The following IYD variants were observed in gnomAD, a reference collection of about 807,000 sequenced individuals.
The protein encoded by IYD is iodotyrosine deiodinase, also known as iodotyrosine deiodinase 1.
Under a neutral mutation model 28.4 loss-of-function variants are expected in IYD, and 25 were observed. That is an observed-to-expected ratio of 0.88 (90% CI 0.64 to 1.23). The LOEUF (loss-of-function observed/expected upper bound fraction) is 1.23. IYD is among the 50% of genes most tolerant of loss of function. The probability of loss-of-function intolerance (pLI) is 0.00; values close to 1 mark genes in which losing one functional copy is unlikely to be tolerated. For synonymous variants in IYD, 140 were observed against 130.8 expected, an observed-to-expected ratio of 1.07 and a Z score of -0.48; for missense variants, 352 against 357.9, an observed-to-expected ratio of 0.98 and a Z score of 0.13.
In IYD at chr6:150,405,287, T is replaced by G. The variant is rs1309294735; in HGVS notation, c.*7050T>G. On this transcript the variant is annotated 3_prime_UTR_variant, in exon 5 of 5. Coordinates refer to ENST00000344419, the MANE Select transcript of IYD (RefSeq NM_203395.3). ...CGCCAAACTCTTACTCCCAGCTGCT[T>G]TCTCTGTCCCTCCACTTAGATGTTA... The G allele has an allele frequency of 6.6e-6, 1 of 152,222 alleles. No homozygotes were observed. Among genetic ancestry groups the G allele is most frequent in the Non-Finnish European group, 1.5e-5 (1 of 68,072 alleles). The allele number at this position is 152,222 out of a possible 1,614,324, so 9.4% of individuals were successfully genotyped here.
At chr6:150,383,528 G>C (rs547318941) in intron 1 of IYD, among the ~76,000 whole-genome samples, 1 of 152,258 alleles carries the variant, frequency 6.6e-6, no homozygotes, top group Middle Eastern at 3.4e-3. Context: ...AAGGATTTCA[G>C]TTGTTTTGGT....
Position 150,399,634 on chromosome 6 carries a change from A to G in IYD, c.*1397A>G, listed in dbSNP as rs1473737957. 10 of 152,132 alleles carry G rather than the reference A, an allele frequency of 6.6e-5. No individual in the cohort carries two copies. Among genetic ancestry groups the G allele is most frequent in the African/African-American group, 1.9e-4 (8 of 41,380 alleles). The allele number at this position is 152,132 out of a possible 1,614,324, so 9.4% of individuals were successfully genotyped here. A position where few individuals can be genotyped will look rare whatever the true frequency, so the allele number is the denominator to read the frequency against. On this transcript the variant is annotated 3_prime_UTR_variant, in exon 5 of 5. Coordinates refer to ENST00000344419, the MANE Select transcript of IYD (RefSeq NM_203395.3). ...CTTGAGAAAACTCTCTCTATAAAAA[A>G]TTTCCATAGAGTATGTGGCTGATAA... is the stretch of plus-strand genomic sequence containing the variant.
At chr6:150,389,652 T>C (rs1778036830) in intron 2 of IYD, 109 bp downstream of exon 2, 5 of 980,100 alleles carry the variant, frequency 5.1e-6, no homozygotes, top group Non-Finnish European at 8.1e-6. Context: ...CCTAGAGTGA[T>C]ATGTTTATCT....
chr6:150,382,382 C>T (rs954867990), intron 1 of IYD, among the ~76,000 whole-genome samples: 7 of 152,156 alleles, frequency 4.6e-5, no homozygotes, highest in Non-Finnish European at 5.9e-5. Context: ...ATTCCACACA[C>T]GACTCAGTCT....
At chr6:150,380,879 C>T (rs1202511063) in intron 1 of IYD, among the ~76,000 whole-genome samples, 1 of 152,170 alleles carries the variant, frequency 6.6e-6, no homozygotes, top group Admixed American at 6.5e-5. Flanking sequence ...CTCCCCTCCC[C>T]AAACTCTGTT....
intron 1 of IYD, among the ~76,000 whole-genome samples, chr6:150,383,430 C>T (rs954557324): frequency 3.9e-5 from 6 of 152,150 alleles, no homozygotes; most frequent in African/African-American, 1.4e-4. Context: ...GTGGTACTAA[C>T]CTTCAGCTAG....
intron 4 of IYD, chr6:150,396,938 C>T (rs559718570): frequency 6.6e-6 from 1 of 151,700 alleles, no homozygotes; most frequent in East Asian, 1.9e-4. Context: ...AAGATATGAT[C>T]AAGGAGAAGA....
At chr6:150,382,019 C>T (rs1234788047) in intron 1 of IYD, among the ~76,000 whole-genome samples, 1 of 152,126 alleles carries the variant, frequency 6.6e-6, no homozygotes, top group Non-Finnish European at 1.5e-5. Context: ...GTGTGAAGGG[C>T]CTGATGATGT....
At chr6:150,372,281 G>T (rs1002191335) in intron 1 of IYD, among the ~76,000 whole-genome samples, 2 of 150,876 alleles carry the variant, frequency 1.3e-5, no homozygotes, top group Non-Finnish European at 1.5e-5. Context: ...GGTGGTGAGG[G>T]GTCATTGTGT....
At chr6:150,374,095 A>G (rs1777361976) in intron 1 of IYD, among the ~76,000 whole-genome samples, 1 of 152,176 alleles carries the variant, frequency 6.6e-6, no homozygotes, top group African/African-American at 2.4e-5. Context: ...TCCTGTCTTC[A>G]CTCCACTGCT....
At chr6:150,388,392 T>C (rs957519252) in intron 1 of IYD, among the ~76,000 whole-genome samples, 1 of 152,212 alleles carries the variant, frequency 6.6e-6, no homozygotes, top group Non-Finnish European at 1.5e-5. Context: ...CCTTCTGCAC[T>C]TATCTACCTG....
In IYD at chr6:150,389,395, C is replaced by G. The variant is rs1471511108; in HGVS notation, c.222C>G (p.Ile74Met). 1 of 1,613,704 alleles carries G rather than the reference C, an allele frequency of 6.2e-7. No homozygotes were observed. Among genetic ancestry groups the G allele is most frequent in the Admixed American group, 1.7e-5 (1 of 60,018 alleles). The part of the protein sequence containing the change: ...WQESEENVEH[I>M]PFSHNHYPEK... Reference sequence around the variant, plus strand: ...AATCAGAAGAAAATGTTGAACACATCCCCTTCTCTCATAACCACTATCCTG... The same window carrying G: ...AATCAGAAGAAAATGTTGAACACATGCCCTTCTCTCATAACCACTATCCTG... The change falls in exon 2 of 5, where the codon ATC (isoleucine) becomes ATG (methionine). Residue 74 changes from isoleucine (I) to methionine (M), a missense_variant. Coordinates refer to ENST00000344419, the MANE Select transcript of IYD (RefSeq NM_203395.3).
At chr6:150,369,737 G>A (rs1231220923) in intron 1 of IYD, among the ~76,000 whole-genome samples, 1 of 152,182 alleles carries the variant, frequency 6.6e-6, no homozygotes, top group African/African-American at 2.4e-5. Flanking sequence ...CGGTGGAACT[G>A]ATTCTAAGGT....
intron 4 of IYD, chr6:150,395,694 G>GC (rs201867502): frequency 1.3e-6 from 1 of 794,636 alleles, no homozygotes; most frequent in Admixed American, 2.0e-5. Flanking sequence ...CATGAAGCCC[G>GC]CATCTCCAGT....
chr6:150,389,010 C>T (rs1396878066), intron 1 of IYD, among the ~76,000 whole-genome samples: 1 of 151,832 alleles, frequency 6.6e-6, no homozygotes, highest in Non-Finnish European at 1.5e-5. Context: ...ACTTTTCTTC[C>T]TTTTTTTAAA....
intron 1 of IYD, among the ~76,000 whole-genome samples, chr6:150,387,826 T>A (rs1313554792): frequency 6.6e-6 from 1 of 152,076 alleles, no homozygotes; most frequent in Non-Finnish European, 1.5e-5. Flanking sequence ...TTATTTTTGC[T>A]GTTGTTTTTA....
intron 1 of IYD, among the ~76,000 whole-genome samples, chr6:150,379,707 T>C (rs1480124809): frequency 6.6e-6 from 1 of 152,188 alleles, no homozygotes; most frequent in Non-Finnish European, 1.5e-5. Context: ...GAGTGAAAAT[T>C]AAACACCACA....
intron 4 of IYD, chr6:150,396,670 C>T (rs976458756): frequency 1.2e-4 from 47 of 383,286 alleles, no homozygotes; most frequent in South Asian, 9.5e-4. Context: ...GTCAGGAGAT[C>T]GAGACCATCC....
intron 1 of IYD, among the ~76,000 whole-genome samples, chr6:150,376,995 T>C (rs1777467754): frequency 6.6e-6 from 1 of 152,016 alleles, no homozygotes; most frequent in African/African-American, 2.4e-5. Context: ...TCTCAGTGCT[T>C]CAGGAAAAAG....
Sources: allele counts gnomAD v4.1 joint callset (sites outside exome capture counted in the v4.1 genomes callset), GRCh38; gene constraint gnomAD v4.1.1; transcripts MANE v1.5; gene names NCBI Gene and HGNC (gene_info 2026-07-23, HGNC 2026-07-21).